SCAPER: variants seen among roughly 807,000 people sequenced by gnomAD.
The protein encoded by SCAPER is S phase cyclin A-associated protein in the endoplasmic reticulum.
SCAPER carries 98 observed loss-of-function variants against 182.2 expected under a neutral mutation model. That is an observed-to-expected ratio of 0.54 (90% confidence interval 0.46 to 0.64). SCAPER has a LOEUF of 0.64. Among genes scored for constraint, SCAPER ranks in the 30% least tolerant of loss-of-function variants. The pLI, the probability that SCAPER is intolerant of heterozygous loss-of-function variation, is 0.00. For missense variants in SCAPER, 1,432 were observed against 1,690.0 expected, an observed-to-expected ratio of 0.85 and a Z score of 2.68; for synonymous variants, 605 against 564.6, an observed-to-expected ratio of 1.07 and a Z score of -1.01.
intron 21 of SCAPER, among the ~76,000 whole-genome samples, chr15:76,632,192 TTTTG>T (rs913525726): frequency 5.3e-5 from 8 of 152,040 alleles, no homozygotes; most frequent in South Asian, 2.1e-4. Flanking sequence ...GGTAACGGTT[TTTTG>T]TTTGTTTGTT....
At chr15:76,466,138 C>T (rs2049596158) in intron 25 of SCAPER, among the ~76,000 whole-genome samples, 1 of 152,030 alleles carries the variant, frequency 6.6e-6, no homozygotes, top group African/African-American at 2.4e-5. Context: ...TTTTGGGTCA[C>T]TATTTAAGTA....
At position 76,674,236 on chromosome 15, in the gene SCAPER, C is replaced by T. The variant is rs776235884; in HGVS notation, c.2509-8447G>A. Among the ~76,000 whole-genome samples the T allele has an allele frequency of 5.9e-5, 9 of 151,992 alleles. No homozygotes were observed. The South Asian group carries it at 8.3e-4, about 14-fold the overall frequency. The stretch of plus-strand genomic sequence containing the variant: ...AGGTACTAAGCGTCAATAGCTGATA[C>T]GTCAATACCACAAAAATAAAAAACA... On this transcript the variant is annotated intron_variant, in intron 20 of 31. Coordinates refer to ENST00000563290, the MANE Select transcript of SCAPER (RefSeq NM_020843.4).
At chr15:76,652,303 TATATATAC>T (rs1219839030) in intron 21 of SCAPER, among the ~76,000 whole-genome samples, 16 of 25,760 alleles carry the variant, frequency 6.2e-4, no homozygotes, top group South Asian at 2.3e-3. Context: ...TATATATATA[TATATATAC>T]ACACACACAC....
intron 24 of SCAPER, chr15:76,472,092 C>T (rs1314307176): frequency 2.9e-6 from 1 of 346,458 alleles, no homozygotes; most frequent in Admixed American, 3.8e-5. Flanking sequence ...CCTGCCGCAT[C>T]ACTGCCATGC....
At chr15:76,495,254 C>T (rs558579188) in intron 24 of SCAPER, among the ~76,000 whole-genome samples, 1 of 149,704 alleles carries the variant, frequency 6.7e-6, no homozygotes, top group East Asian at 1.9e-4. Context: ...TGAAGTTTTG[C>T]ATTTCTCACT....
chr15:76,470,306 A>T (rs2050042374), intron 25 of SCAPER, among the ~76,000 whole-genome samples: 1 of 152,194 alleles, frequency 6.6e-6, no homozygotes, highest in African/African-American at 2.4e-5. Flanking sequence ...GTTCAGTGTG[A>T]TCAATTCTAT....
chr15:76,824,148 ATCTT>A (rs1338468577), intron 5 of SCAPER, among the ~76,000 whole-genome samples: 2 of 152,242 alleles, frequency 1.3e-5, no homozygotes, highest in African/African-American at 4.8e-5. Context: ...ACTGATGCAC[ATCTT>A]TCTCCTCAAA....
chr15:76,369,055 A>T, intron 29 of SCAPER, among the ~76,000 whole-genome samples: 1 of 152,230 alleles, frequency 6.6e-6, no homozygotes, highest in Non-Finnish European at 1.5e-5. Context: ...TCCATCAAGG[A>T]TGGGACGTCA....
chr15:76,423,265 C>T (rs991545223), intron 26 of SCAPER, among the ~76,000 whole-genome samples: 3 of 151,932 alleles, frequency 2.0e-5, no homozygotes, highest in Admixed American at 6.6e-5. Flanking sequence ...TTTTTTGGTT[C>T]GTAGGCTATT....
intron 8 of SCAPER, among the ~76,000 whole-genome samples, chr15:76,777,579 A>G (rs975234164): frequency 1.3e-5 from 2 of 152,148 alleles, no homozygotes; most frequent in Non-Finnish European, 1.5e-5. Context: ...CTGTAATCCG[A>G]GCTACTTGGG....
At chr15:76,754,010 A>T in intron 14 of SCAPER, 62 bp from the exon 15 acceptor site, 1 of 1,538,508 alleles carries the variant, frequency 6.5e-7, no homozygotes. Context: ...AAAGAAGTAC[A>T]AACAAGTAAA....
chr15:76,482,925 T>G (rs2051267859), intron 24 of SCAPER, among the ~76,000 whole-genome samples: 1 of 152,136 alleles, frequency 6.6e-6, no homozygotes, highest in Non-Finnish European at 1.5e-5. Context: ...AGATGTCAGT[T>G]CTTCCTGACT....
rs574711959 is a variant in SCAPER at position 76,754,149 on chromosome 15, T to C, written c.1726-201A>G. 4.6e-5 allele frequency among the ~76,000 whole-genome samples: 7 copies of C among 152,168 alleles called. No homozygotes were observed. In the East Asian group the frequency reaches 1.3e-3, roughly 29 times the overall value. ...CATTGGCCACTTACTAGCTGCATAA[T>C]CTAGACAACTTTTTTAGCCTATGTC... On this transcript the variant is annotated intron_variant, in intron 14 of 31. Transcript: ENST00000563290.
chr15:76,474,875 T>C (rs1045853964), intron 24 of SCAPER, among the ~76,000 whole-genome samples: 5 of 152,264 alleles, frequency 3.3e-5, no homozygotes, highest in Admixed American at 3.3e-4. Flanking sequence ...AAGGACTAAG[T>C]TGATGGGAGC....
intron 17 of SCAPER, among the ~76,000 whole-genome samples, chr15:76,713,208 G>C (rs2059687353): frequency 1.3e-5 from 2 of 152,166 alleles, no homozygotes; most frequent in South Asian, 2.1e-4. Flanking sequence ...AACCATTGTG[G>C]AAGTCAGTGT....
chr15:76,570,915 G>C (rs910599983), intron 23 of SCAPER, among the ~76,000 whole-genome samples: 1 of 152,008 alleles, frequency 6.6e-6, no homozygotes, highest in Non-Finnish European at 1.5e-5. Context: ...CCAGGGGTTG[G>C]ACTATGGGTA....
intron 8 of SCAPER, among the ~76,000 whole-genome samples, chr15:76,778,469 C>T (rs1222625355): frequency 6.6e-6 from 1 of 151,940 alleles, no homozygotes; most frequent in Non-Finnish European, 1.5e-5. Context: ...CTTTCAAGTA[C>T]CCCATAGACA....
At chr15:76,378,192 G>A (rs370461502) in intron 28 of SCAPER, among the ~76,000 whole-genome samples, 10 of 152,156 alleles carry the variant, frequency 6.6e-5, no homozygotes, top group Admixed American at 4.6e-4. Flanking sequence ...TGATGCATTC[G>A]AACCCAAATC....
At chr15:76,638,579 G>GT (rs1365197202) in intron 21 of SCAPER, among the ~76,000 whole-genome samples, 3 of 152,180 alleles carry the variant, frequency 2.0e-5, no homozygotes, top group South Asian at 2.1e-4. Context: ...ACAGATGTAT[G>GT]TTTTTTCTAA....
Sources: allele counts gnomAD v4.1 joint callset (sites outside exome capture counted in the v4.1 genomes callset), GRCh38; gene constraint gnomAD v4.1.1; transcripts MANE v1.5; gene names NCBI Gene and HGNC (gene_info 2026-07-23, HGNC 2026-07-21).